SORCS1: variants seen among roughly 807,000 people sequenced by gnomAD.
SORCS1 encodes VPS10 domain-containing receptor SorCS1.
A neutral mutation model predicts 146.1 loss-of-function variants in SORCS1; 60 were observed. The observed-to-expected ratio is 0.41, with a 90% CI of 0.33 to 0.51. SORCS1 has a LOEUF of 0.51. SORCS1 is among the 20% of genes least tolerant of loss of function. The probability of loss-of-function intolerance (pLI) is 0.21; values close to 1 mark genes in which losing one functional copy is unlikely to be tolerated. For missense variants in SORCS1, 1,352 were observed against 1,487.6 expected, an observed-to-expected ratio of 0.91 and a Z score of 1.50; for synonymous variants, 637 against 584.0, an observed-to-expected ratio of 1.09 and a Z score of -1.31.
chr10:107,143,319 T>C (rs1249044158), intron 1 of SORCS1, among the ~76,000 whole-genome samples: 3 of 152,154 alleles, frequency 2.0e-5, no homozygotes, highest in Non-Finnish European at 4.4e-5. Flanking sequence ...GTCCAATCTC[T>C]TATTTTGTTT....
the SORCS1 span, among the ~76,000 whole-genome samples, chr10:107,171,514 C>CTT: frequency 0.033 from 3,836 of 117,234 alleles, 219 homozygotes; most frequent in African/African-American, 0.093. Context: ...GGGAATCCCC[C>CTT]TTTTTTTTTT....
At chr10:106,725,324 TG>T (rs1469204021) in intron 6 of SORCS1, among the ~76,000 whole-genome samples, 1 of 151,824 alleles carries the variant, frequency 6.6e-6, no homozygotes, top group Non-Finnish European at 1.5e-5. Context: ...CCGAGGCAGG[TG>T]GATCACCTGA....
chr10:107,046,645 G>A (rs1280362310), intron 1 of SORCS1, among the ~76,000 whole-genome samples: 3 of 152,126 alleles, frequency 2.0e-5, no homozygotes, highest in African/African-American at 7.2e-5. Flanking sequence ...GGTGGGAAAA[G>A]AAGTGTATTT....
At chr10:106,802,625 C>T (rs574341604) in intron 3 of SORCS1, among the ~76,000 whole-genome samples, 3 of 152,092 alleles carry the variant, frequency 2.0e-5, no homozygotes, top group East Asian at 3.9e-4. Flanking sequence ...CAGCCTCCCA[C>T]GTAGCTGGGA....
At chr10:106,775,180 C>T (rs914635833) in intron 4 of SORCS1, among the ~76,000 whole-genome samples, 3 of 152,176 alleles carry the variant, frequency 2.0e-5, no homozygotes, top group African/African-American at 4.8e-5. Context: ...CCTCTGGCAT[C>T]GGTGGGGGGG....
At chr10:106,632,663 T>C (rs892766612) in intron 18 of SORCS1, among the ~76,000 whole-genome samples, 4 of 152,044 alleles carry the variant, frequency 2.6e-5, no homozygotes, top group Non-Finnish European at 5.9e-5. Flanking sequence ...ACAAACAAAA[T>C]AAATATGGCC....
At chr10:106,810,504 G>A (rs1947403640) in intron 3 of SORCS1, among the ~76,000 whole-genome samples, 2 of 152,154 alleles carry the variant, frequency 1.3e-5, no homozygotes, top group Admixed American at 6.5e-5. Context: ...CACTTGCTGT[G>A]CTAAGGAATA....
At chr10:106,719,339 C>T (rs763676465) in intron 6 of SORCS1, among the ~76,000 whole-genome samples, 62 of 151,752 alleles carry the variant, frequency 4.1e-4, no homozygotes, top group Non-Finnish European at 7.9e-4. Context: ...TGTGTCTACA[C>T]GCTATAAGAT....
At chr10:106,867,048 G>T (rs1950244424) in intron 2 of SORCS1, among the ~76,000 whole-genome samples, 1 of 152,082 alleles carries the variant, frequency 6.6e-6, no homozygotes, top group African/African-American at 2.4e-5. Flanking sequence ...CCCCAACTTT[G>T]CTAGAGAGGC....
intron 2 of SORCS1, among the ~76,000 whole-genome samples, chr10:106,931,313 C>T (rs1186869207): frequency 1.3e-5 from 2 of 152,114 alleles, no homozygotes; most frequent in Non-Finnish European, 2.9e-5. Flanking sequence ...TACAAAGAAA[C>T]GTGGTCCTAC....
At chr10:106,802,544 G>A (rs993629636) in intron 3 of SORCS1, among the ~76,000 whole-genome samples, 2 of 151,372 alleles carry the variant, frequency 1.3e-5, no homozygotes, top group African/African-American at 4.9e-5. Flanking sequence ...TTTTGCCCAG[G>A]CTGGAGTACA....
Position 106,709,288 on chromosome 10 carries a change from G to T in SORCS1, c.1078C>A (p.Gln360Lys). 2 of 1,613,904 alleles carry T rather than the reference G, an allele frequency of 1.2e-6. No homozygotes were observed. The highest frequency in any genetic ancestry group is 1.7e-6 in the Non-Finnish European group (2 of 1,179,888). ...MQNCTEANRN[Q>K]PFPGYIDPDS... ...GGGTCAATGTAGCCTGGAAAAGGCT[G>T]ATTCCTGTTGGCCTCTGTACAGTTC... The change falls in exon 7 of 26, where the codon CAG becomes AAG. Residue 360 changes from glutamine to lysine, a missense_variant. By Grantham distance (53) the Gln-to-Lys change is moderately conservative (BLOSUM62 1). Coordinates refer to ENST00000263054, the MANE Select transcript of SORCS1 (RefSeq NM_052918.5).
At chr10:107,146,381 T>C (rs1432067357) in intron 1 of SORCS1, among the ~76,000 whole-genome samples, 1 of 152,190 alleles carries the variant, frequency 6.6e-6, no homozygotes, top group Non-Finnish European at 1.5e-5. Flanking sequence ...CTCTAAATGT[T>C]TTCAATTAAC....
At chr10:106,961,519 T>A (rs1955220944) in intron 1 of SORCS1, among the ~76,000 whole-genome samples, 2 of 152,166 alleles carry the variant, frequency 1.3e-5, no homozygotes, top group Non-Finnish European at 2.9e-5. Flanking sequence ...AACAAAAACA[T>A]AGCGTCTTCC....
chr10:107,081,775 G>C (rs531149052), intron 1 of SORCS1, among the ~76,000 whole-genome samples: 2 of 152,308 alleles, frequency 1.3e-5, no homozygotes, highest in South Asian at 4.1e-4. Context: ...ACAACTCAAA[G>C]ATAATTGGCC....
chr10:106,584,503 A>G (rs1423717141), intron 24 of SORCS1, among the ~76,000 whole-genome samples: 1 of 152,240 alleles, frequency 6.6e-6, no homozygotes, highest in African/African-American at 2.4e-5. Flanking sequence ...AGCTTAATCA[A>G]TTAGAAACCA....
intron 5 of SORCS1, among the ~76,000 whole-genome samples, chr10:106,758,326 G>A (rs1890458): frequency 0.46 from 69,742 of 152,004 alleles, 16,266 homozygotes; most frequent in African/African-American, 0.56. Context: ...TACATGGGAA[G>A]TGTTCTCATC....
chr10:106,772,450 A>G (rs545276478), intron 4 of SORCS1, among the ~76,000 whole-genome samples: 11 of 151,258 alleles, frequency 7.3e-5, no homozygotes, highest in Admixed American at 5.3e-4. Context: ...CCCATAATCA[A>G]TCAATCAATC....
At chr10:106,740,714 G>A (rs1857303367) in intron 5 of SORCS1, among the ~76,000 whole-genome samples, 1 of 152,224 alleles carries the variant, frequency 6.6e-6, no homozygotes, top group African/African-American at 2.4e-5. Context: ...CCACAAGGCT[G>A]TGCTCTTGTT....
Sources: gnomAD v4.1 joint callset for allele counts (sites outside exome capture counted in the v4.1 genomes callset) on GRCh38, gnomAD v4.1.1 for gene constraint, MANE v1.5 for transcripts, NCBI Gene and HGNC (gene_info 2026-07-23, HGNC 2026-07-21) for gene names.